PRSS55: variants seen among roughly 807,000 people sequenced by gnomAD.
The protein encoded by PRSS55 is serine protease 55, also known as probable serine protease UNQ9391/PRO34284.
In PRSS55, 41 loss-of-function variants were observed where a neutral mutation model predicts 23.6. That is an observed-to-expected ratio of 1.74 (90% CI 1.35 to 2.26). The LOEUF (loss-of-function observed/expected upper bound fraction) is 2.26. Ranked by LOEUF, PRSS55 falls within the 30% of genes most tolerant of loss-of-function variation. PRSS55 has a pLI of 0.00. For synonymous variants in PRSS55, 262 were observed against 175.5 expected (o/e 1.49, Z -3.90); for missense variants, 669 against 439.1 (o/e 1.52, Z -4.68).
intron 4 of PRSS55, among the ~76,000 whole-genome samples, chr8:10,544,282 A>T (rs1458540951): frequency 6.6e-6 from 1 of 152,090 alleles, no homozygotes; most frequent in Non-Finnish European, 1.5e-5. Context: ...GTCTCCCTTT[A>T]TCTCTAATGA....
At chr8:10,534,164 T>G (rs1447410773) in intron 4 of PRSS55, among the ~76,000 whole-genome samples, 14 of 152,174 alleles carry the variant, frequency 9.2e-5, no homozygotes, top group Admixed American at 9.2e-4. Context: ...AATTGAGACT[T>G]CTGGTTCCAG....
chr8:10,533,400 C>G (rs1019323060), intron 4 of PRSS55, among the ~76,000 whole-genome samples: 5 of 152,070 alleles, frequency 3.3e-5, no homozygotes, highest in Non-Finnish European at 5.9e-5. Flanking sequence ...ACTTAGAAAC[C>G]TTTGTTGAGC....
intron 1 of PRSS55, among the ~76,000 whole-genome samples, chr8:10,527,087 C>A (rs1164098234): frequency 6.6e-6 from 1 of 152,176 alleles, no homozygotes; most frequent in East Asian, 1.9e-4. Context: ...CTTATAAACC[C>A]ACATTCTCAA....
At position 10,525,749 on chromosome 8, in the gene PRSS55, G is replaced by C. The variant is rs541425801; in HGVS notation, c.154+10G>C. On this transcript the variant is annotated intron_variant, in intron 1 of 4. Transcript: ENST00000328655. ...CCCAGCCCAGTCAGTGGTGAGTACA[G>C]GGGCAGAAGGGGCATGGATGGGGGC... 3.5e-4 allele frequency: 548 copies of C among 1,582,234 alleles called. 9 individuals carry two copies. In the South Asian group the frequency reaches 4.5e-3, roughly 13 times the overall value.
chr8:10,544,349 A>G (rs1812758709), intron 4 of PRSS55, among the ~76,000 whole-genome samples: 1 of 152,124 alleles, frequency 6.6e-6, no homozygotes, highest in Middle Eastern at 3.2e-3. Context: ...CAGCTCTTTC[A>G]TCATTATCAT....
chr8:10,529,657 G>A lies in PRSS55; in HGVS notation c.305G>A (p.Trp102Ter), dbSNP rs1812176013. ...GGCGGCTCCATCCTCAACAAGTGGT[G>A]GATTCTCACTGCGGCTCACTGCTTA... ...FCGGSILNKW[W>*]ILTAAHCLYS... is the part of the protein sequence containing the mutation. Residue 102 changes from tryptophan to a stop codon, truncating the protein, a stop_gained, in exon 2 of 5, where the codon TGG becomes TAG. Coordinates refer to ENST00000328655, the MANE Select transcript of PRSS55 (RefSeq NM_198464.4). LOFTEE classifies it high-confidence loss of function. 3.1e-6 allele frequency: 5 copies of A among 1,614,186 alleles called. No homozygotes were observed. The highest frequency in any genetic ancestry group is 4.2e-6 in the Non-Finnish European group (5 of 1,180,022).
At chr8:10,549,511 G>C (rs996626427) in intron 4 of PRSS55, among the ~76,000 whole-genome samples, 4 of 152,188 alleles carry the variant, frequency 2.6e-5, no homozygotes, top group African/African-American at 4.8e-5. Flanking sequence ...CAGCACACTG[G>C]GGGTCACACA....
chr8:10,525,783 C>T lies in PRSS55; in HGVS notation c.154+44C>T, dbSNP rs1301179002. The T allele has an allele frequency of 2.6e-6, 4 of 1,535,390 alleles. No homozygotes were observed. The African/African-American group carries it at 4.1e-5, about 16-fold the overall frequency. ...GGGGCATGGATGGGGGCTCATGGTC[C>T]AGCTGACTGGCTGCCAGGAGGGTGG... On this transcript the variant is annotated intron_variant, in intron 1 of 4. Transcript: ENST00000328655.
chr8:10,542,065 A>T (rs1031234188), downstream of PRSS55, among the ~76,000 whole-genome samples: 24 of 152,150 alleles, frequency 1.6e-4, no homozygotes, highest in Non-Finnish European at 1.2e-4. Flanking sequence ...GCATTAAGTC[A>T]CCGCACCTGG....
chr8:10,531,598 G>C, intron 3 of PRSS55, 53 bp downstream of exon 3: 8 of 1,599,482 alleles, frequency 5.0e-6, no homozygotes, highest in African/African-American at 1.3e-5. Context: ...ATGTGAAGGA[G>C]AGGGGAGGAA....
chr8:10,536,335 A>T (rs1221783399), intron 4 of PRSS55, among the ~76,000 whole-genome samples: 1 of 152,252 alleles, frequency 6.6e-6, no homozygotes, highest in Non-Finnish European at 1.5e-5. Flanking sequence ...TACCAGTCAG[A>T]ATGGCTGTTA....
downstream of PRSS55, chr8:10,538,846 C>G (rs1812553355): frequency 6.7e-7 from 1 of 1,481,522 alleles, no homozygotes; most frequent in Non-Finnish European, 9.0e-7. Flanking sequence ...GCAAGTGCGT[C>G]TCCAGCAGAG....
rs757640174 is a variant in PRSS55 at position 10,529,680 on chromosome 8, T to G, written c.328T>G (p.Leu110Val). The change falls in exon 2 of 5, where the codon TTA becomes GTA. Residue 110 changes from leucine to valine, a missense_variant. Physicochemically the swap from Leu to Val is conservative, Grantham distance 32. Transcript: ENST00000328655. ...KWWILTAAHC[L>V]YSEELFPEEL... ...GTGGATTCTCACTGCGGCTCACTGC[T>G]TATATTCCGAGGAGCTGTTGTAAGT... is the stretch of plus-strand genomic sequence containing the variant. 1 of 1,613,814 alleles carries G rather than the reference T, an allele frequency of 6.2e-7. No individual in the cohort carries two copies. Among genetic ancestry groups the G allele is most frequent in the East Asian group, 2.2e-5 (1 of 44,874 alleles).
chr8:10,539,995 C>G (rs1033581478), downstream of PRSS55, among the ~76,000 whole-genome samples: 8 of 152,226 alleles, frequency 5.3e-5, no homozygotes, highest in Non-Finnish European at 2.9e-5. Flanking sequence ...TCTGGCTCAT[C>G]CTGGAGCCAA....
intron 1 of PRSS55, among the ~76,000 whole-genome samples, chr8:10,526,953 A>C (rs904153984): frequency 2.6e-5 from 4 of 152,208 alleles, no homozygotes; most frequent in Non-Finnish European, 4.4e-5. Flanking sequence ...TCTGGCCCAG[A>C]GCCTACCCTG....
chr8:10,526,969 G>A (rs945068601), intron 1 of PRSS55, among the ~76,000 whole-genome samples: 20 of 152,184 alleles, frequency 1.3e-4, no homozygotes, highest in African/African-American at 4.3e-4. Flanking sequence ...CCCTGAGCAC[G>A]TGCCATGTTC....
At chr8:10,528,404 G>C (rs1294321701) in intron 1 of PRSS55, among the ~76,000 whole-genome samples, 2 of 152,190 alleles carry the variant, frequency 1.3e-5, no homozygotes, top group Non-Finnish European at 2.9e-5. Flanking sequence ...GACAAGATTA[G>C]GGTCTTGGGC....
intron 3 of PRSS55, 132 bp downstream of exon 3, chr8:10,531,677 C>A: frequency 7.6e-7 from 1 of 1,315,610 alleles, no homozygotes; most frequent in Middle Eastern, 2.8e-4. Context: ...TCACAGTGCC[C>A]AAAGTTTAGC....
intron 4 of PRSS55, among the ~76,000 whole-genome samples, chr8:10,544,041 T>C (rs759100432): frequency 5.9e-5 from 9 of 152,220 alleles, no homozygotes; most frequent in Non-Finnish European, 8.8e-5. Context: ...TAGGTCTAGC[T>C]GGTTTATAGT....
Sources: allele counts gnomAD v4.1 joint callset (sites outside exome capture counted in the v4.1 genomes callset), GRCh38; gene constraint gnomAD v4.1.1; transcripts MANE v1.5; gene names NCBI Gene and HGNC (gene_info 2026-07-23, HGNC 2026-07-21).